The following DPP6 variants were observed in gnomAD, a reference collection of about 807,000 sequenced individuals.
DPP6 encodes dipeptidyl peptidase like 6.
DPP6 carries 69 observed loss-of-function variants against 122.6 expected under a neutral mutation model. That is an observed-to-expected ratio of 0.56 (90% CI 0.46 to 0.69). DPP6 has a LOEUF of 0.69. Among genes scored for constraint, DPP6 ranks in the 30% least tolerant of loss-of-function variants. The pLI, the probability that DPP6 is intolerant of heterozygous loss-of-function variation, is 0.00. For synonymous variants in DPP6, 418 were observed against 433.1 expected, an observed-to-expected ratio of 0.97 and a Z score of 0.43; for missense variants, 928 against 1,116.9, an observed-to-expected ratio of 0.83 and a Z score of 2.41.
At chr7:153,800,317 G>T in the DPP6 span, among the ~76,000 whole-genome samples, 11 of 151,974 alleles carry the variant, frequency 7.2e-5, no homozygotes, top group African/African-American at 2.4e-4. Context: ...GAAATAAACC[G>T]GGCACAAAAA....
rs1804613170 is a variant in DPP6, at chr7:154,282,843, T to C, written c.244-163371T>C. On this transcript the variant is annotated intron_variant, in intron 1 of 25. Transcript: ENST00000377770. The surrounding 1 kb of genome is among the most constrained non-coding windows in gnomAD (Gnocchi z 4.8). The stretch of plus-strand genomic sequence containing the variant: ...AAATAGGCCCATTTATAACAAGAGG[T>C]TGAAGGAGAGATTGCCACTCTTTGG... Among the ~76,000 whole-genome samples, 1 of 151,870 alleles carries C rather than the reference T, an allele frequency of 6.6e-6. No individual in the cohort carries two copies. The highest frequency in any genetic ancestry group is 6.6e-5 in the Admixed American group (1 of 15,248).
chr7:154,795,938 G>C, intron 12 of DPP6, 55 bp downstream of exon 12: 1 of 1,576,680 alleles, frequency 6.3e-7, no homozygotes. Context: ...CCACCCCAGG[G>C]CTGGCCCTCA....
At chr7:154,555,204 C>CT (rs1251408716) in intron 4 of DPP6, among the ~76,000 whole-genome samples, 2 of 152,034 alleles carry the variant, frequency 1.3e-5, no homozygotes, top group Non-Finnish European at 1.5e-5. Flanking sequence ...AAAAAGACAA[C>CT]TTTTTTCTCA....
chr7:154,172,683 C>G (rs933364374), intron 1 of DPP6, among the ~76,000 whole-genome samples: 4 of 150,898 alleles, frequency 2.7e-5, no homozygotes, highest in Non-Finnish European at 1.5e-5. Flanking sequence ...TCACTGCAAC[C>G]TCCGCCTCCT....
At chr7:153,834,301 C>A in the DPP6 span, among the ~76,000 whole-genome samples, 1 of 151,830 alleles carries the variant, frequency 6.6e-6, no homozygotes. Context: ...TAAGTACATC[C>A]CATCTCCTCC....
At chr7:154,134,488 T>C (rs1466317129) in intron 1 of DPP6, among the ~76,000 whole-genome samples, 1 of 151,938 alleles carries the variant, frequency 6.6e-6, no homozygotes, top group Non-Finnish European at 1.5e-5. Flanking sequence ...TCCTGTAGGG[T>C]CTTCCACATG....
At chr7:153,866,991 T>C in the DPP6 span, among the ~76,000 whole-genome samples, 1 of 152,206 alleles carries the variant, frequency 6.6e-6, no homozygotes, top group Non-Finnish European at 1.5e-5. Context: ...AGGGCTCTGT[T>C]CTGTTCCATT....
chr7:154,727,529 GTCA>G (rs781368886), intron 7 of DPP6, among the ~76,000 whole-genome samples: 3 of 152,156 alleles, frequency 2.0e-5, no homozygotes, highest in Non-Finnish European at 4.4e-5. Flanking sequence ...AAATTGTCCA[GTCA>G]TGGTAAGTGA....
At chr7:154,674,889 C>G (rs1838791971) in intron 7 of DPP6, among the ~76,000 whole-genome samples, 1 of 152,182 alleles carries the variant, frequency 6.6e-6, no homozygotes. Flanking sequence ...GGCCAACTTC[C>G]TCATCATCTC....
chr7:154,565,573 T>C (rs930144087), intron 4 of DPP6, among the ~76,000 whole-genome samples: 1 of 152,138 alleles, frequency 6.6e-6, no homozygotes, highest in South Asian at 2.1e-4. Flanking sequence ...TCGCCCAGGC[T>C]GGAGTGCAAT....
At chr7:154,029,318 C>T (rs1799106103) in intron 1 of DPP6, among the ~76,000 whole-genome samples, 1 of 149,560 alleles carries the variant, frequency 6.7e-6, no homozygotes. Context: ...AGATCGAGAC[C>T]ATCCTGGCTA....
chr7:154,225,226 T>G (rs916441206), intron 1 of DPP6, among the ~76,000 whole-genome samples: 1 of 152,152 alleles, frequency 6.6e-6, no homozygotes, highest in African/African-American at 2.4e-5. Context: ...GAAATTACCT[T>G]TATACCTCGA....
chr7:154,115,049 G>A (rs1806880427), intron 1 of DPP6, among the ~76,000 whole-genome samples: 1 of 152,160 alleles, frequency 6.6e-6, no homozygotes, highest in African/African-American at 2.4e-5. Flanking sequence ...TCCAGGTGAG[G>A]GTACTTCATA....
intron 1 of DPP6, among the ~76,000 whole-genome samples, chr7:153,971,059 A>G (rs1049196250): frequency 3.8e-4 from 58 of 152,260 alleles, no homozygotes; most frequent in African/African-American, 1.3e-3. Context: ...AACTCTATAC[A>G]TCAATTTTGG....
rs183193769 is a variant in DPP6 at position 154,353,273 on chromosome 7, C to T, written c.244-92941C>T. 6.8e-4 allele frequency among the ~76,000 whole-genome samples: 104 copies of T among 152,286 alleles called. 1 individual carries two copies. The highest frequency in any genetic ancestry group is 6.8e-3 in the Middle Eastern group (2 of 294). ...AGCTTCTTTTCTCTTCCTCCGTGAA[C>T]GGCAGTTATTTTCTCGTAGCAAGAG... On this transcript the variant is annotated intron_variant, in intron 1 of 25. Coordinates refer to ENST00000377770, the MANE Select transcript of DPP6 (RefSeq NM_130797.4).
chr7:154,397,478 T>A (rs1815191215), intron 1 of DPP6, among the ~76,000 whole-genome samples: 2 of 152,202 alleles, frequency 1.3e-5, no homozygotes, highest in Non-Finnish European at 1.5e-5. Flanking sequence ...TTTCCCCAAA[T>A]GCAATGTCTT....
intron 7 of DPP6, among the ~76,000 whole-genome samples, chr7:154,723,387 A>G (rs904833839): frequency 6.6e-6 from 1 of 152,164 alleles, no homozygotes; most frequent in Non-Finnish European, 1.5e-5. Context: ...ATCATAGCAA[A>G]CTTTACTAAC....
chr7:154,677,662 C>T (rs1041666666), intron 7 of DPP6, among the ~76,000 whole-genome samples: 4 of 152,140 alleles, frequency 2.6e-5, no homozygotes, highest in Middle Eastern at 3.2e-3. Flanking sequence ...GGGAGGAGCG[C>T]GTGGGGAGAA....
intron 1 of DPP6, among the ~76,000 whole-genome samples, chr7:154,358,983 G>T (rs1030901971): frequency 8.5e-5 from 13 of 152,236 alleles, no homozygotes; most frequent in Non-Finnish European, 1.6e-4. Flanking sequence ...TGGGATTACA[G>T]GCGTGAGACA....
Sources: gnomAD v4.1 joint callset for allele counts (sites outside exome capture counted in the v4.1 genomes callset) on GRCh38, gnomAD v4.1.1 for gene constraint, Gnocchi (gnomAD v3.1) non-coding constraint, MANE v1.5 for transcripts, NCBI Gene and HGNC (gene_info 2026-07-23, HGNC 2026-07-21) for gene names.